TPRG1: variants seen among roughly 807,000 people sequenced by gnomAD.
TPRG1 encodes tumor protein p63-regulated gene 1 protein.
A neutral mutation model predicts 29.3 loss-of-function variants in TPRG1; 29 were observed. The ratio of observed to expected loss-of-function variants is 0.99; its 90% CI spans 0.74 to 1.35. The LOEUF (loss-of-function observed/expected upper bound fraction) is 1.35, where lower values mean the gene tolerates loss of function less well. TPRG1 is among the 40% of genes most tolerant of loss of function. TPRG1 has a pLI of 0.00. For missense variants in TPRG1, 327 were observed against 335.0 expected, an observed-to-expected ratio of 0.98 and a Z score of 0.19; for synonymous variants, 130 against 116.8, an observed-to-expected ratio of 1.11 and a Z score of -0.73.
At chr3:189,279,759 G>A (rs914301041) in intron 4 of TPRG1, among the ~76,000 whole-genome samples, 1 of 152,156 alleles carries the variant, frequency 6.6e-6, no homozygotes, top group African/African-American at 2.4e-5. Flanking sequence ...ATCAGGAAGA[G>A]GCAGAATACC....
At chr3:189,166,616 A>G (rs1443644633) in intron 5 of TPRG1, among the ~76,000 whole-genome samples, 1 of 152,202 alleles carries the variant, frequency 6.6e-6, no homozygotes, top group African/African-American at 2.4e-5. Flanking sequence ...TATCCCTGAT[A>G]CTTTCCTTGG....
intron 3 of TPRG1, among the ~76,000 whole-genome samples, chr3:189,022,698 C>T (rs1292608113): frequency 6.6e-6 from 1 of 152,248 alleles, no homozygotes; most frequent in African/African-American, 2.4e-5. Flanking sequence ...TATGCCCTGC[C>T]CCCAGAGGTG....
chr3:189,237,905 T>C (rs1194262171), intron 3 of TPRG1, among the ~76,000 whole-genome samples: 1 of 152,238 alleles, frequency 6.6e-6, no homozygotes, highest in Non-Finnish European at 1.5e-5. Context: ...CTCGAAGTGC[T>C]GTATCCTAAA....
chr3:189,306,319 T>C (rs1202871153), intron 4 of TPRG1, among the ~76,000 whole-genome samples: 1 of 152,206 alleles, frequency 6.6e-6, no homozygotes, highest in African/African-American at 2.4e-5. Flanking sequence ...TTAAGCTATC[T>C]GAATGGAAGT....
At chr3:189,287,267 T>C (rs1221088150) in intron 4 of TPRG1, among the ~76,000 whole-genome samples, 5 of 152,106 alleles carry the variant, frequency 3.3e-5, no homozygotes, top group Non-Finnish European at 7.4e-5. Context: ...ATTCTACTTG[T>C]CTCATTGTCC....
intron 4 of TPRG1, among the ~76,000 whole-genome samples, chr3:189,250,685 T>A (rs1449569278): frequency 6.9e-6 from 1 of 145,782 alleles, no homozygotes; most frequent in Non-Finnish European, 1.5e-5. Context: ...AATCAGCTGC[T>A]AAATAATGGC....
At chr3:189,189,405 C>T (rs1473967102) in intron 1 of TPRG1, among the ~76,000 whole-genome samples, 1 of 151,636 alleles carries the variant, frequency 6.6e-6, no homozygotes, top group East Asian at 1.9e-4. Flanking sequence ...TAATATTCTA[C>T]CTAAACTACA....
At chr3:189,303,714 C>A (rs1231562394) in intron 4 of TPRG1, among the ~76,000 whole-genome samples, 2 of 152,164 alleles carry the variant, frequency 1.3e-5, no homozygotes, top group Non-Finnish European at 2.9e-5. Flanking sequence ...CTGTAAGCAG[C>A]CATGTTTATT....
chr3:189,079,493 G>A (rs952422813), intron 4 of TPRG1, among the ~76,000 whole-genome samples: 1 of 152,084 alleles, frequency 6.6e-6, no homozygotes, highest in Non-Finnish European at 1.5e-5. Flanking sequence ...CACAATAAAT[G>A]CTGAATAAAT....
intron 5 of TPRG1, among the ~76,000 whole-genome samples, chr3:189,162,324 A>G (rs9827054): frequency 0.47 from 71,682 of 152,036 alleles, 17,695 homozygotes; most frequent in African/African-American, 0.61. Flanking sequence ...AAGCAGGGGG[A>G]TAGCAGCTTG....
intron 4 of TPRG1, among the ~76,000 whole-genome samples, chr3:189,078,258 C>T (rs2152165499): frequency 1.3e-5 from 2 of 151,824 alleles, no homozygotes; most frequent in South Asian, 4.2e-4. Flanking sequence ...CTGCCTCACC[C>T]TCCCGAGTAG....
chr3:189,167,457 T>C (rs1036451236), upstream of TPRG1, among the ~76,000 whole-genome samples: 3 of 152,232 alleles, frequency 2.0e-5, no homozygotes, highest in East Asian at 5.8e-4. Flanking sequence ...TTTTCCTGGT[T>C]CTTTCTTAGT....
In TPRG1 at chr3:189,121,421, C is replaced by T. The variant is rs372685131; in HGVS notation, c.-743-5636C>T. On this transcript the variant is annotated intron_variant, in intron 1 of 6. Transcript: ENST00000412373. ...AAAAATTTCTGACATATTCTGTACC[C>T]CTCCTTCTCTTTTTTATGTTGAATT... 3 of 152,252 alleles carry T rather than the reference C, an allele frequency of 2.0e-5. No homozygotes were observed. In the East Asian group the frequency reaches 5.8e-4, roughly 29 times the overall value. 9.4% of individuals were successfully genotyped at this position (152,252 alleles called of 1,614,324 possible).
chr3:189,038,006 TAAA>T (rs917789477), intron 4 of TPRG1, among the ~76,000 whole-genome samples: 1 of 151,088 alleles, frequency 6.6e-6, no homozygotes, highest in Non-Finnish European at 1.5e-5. Context: ...CCAAATTAAA[TAAA>T]AAATGTATAG....
At chr3:189,257,567 G>A (rs563432332) in intron 4 of TPRG1, among the ~76,000 whole-genome samples, 1 of 151,986 alleles carries the variant, frequency 6.6e-6, no homozygotes, top group African/African-American at 2.4e-5. Context: ...GCTAGGTTGG[G>A]GAAGTTCTTT....
intron 4 of TPRG1, among the ~76,000 whole-genome samples, chr3:189,073,932 T>C (rs1282569895): frequency 6.6e-6 from 1 of 152,194 alleles, no homozygotes; most frequent in African/African-American, 2.4e-5. Context: ...TTATTTCATG[T>C]ATTCTTACCC....
At chr3:189,173,921 C>A (rs189219214) in intron 1 of TPRG1, among the ~76,000 whole-genome samples, 18 of 152,244 alleles carry the variant, frequency 1.2e-4, no homozygotes, top group African/African-American at 4.3e-4. Flanking sequence ...GTCAGAGAAG[C>A]CTCTCTCTTT....
At chr3:189,155,413 T>C (rs562434781) in intron 5 of TPRG1, among the ~76,000 whole-genome samples, 51 of 152,270 alleles carry the variant, frequency 3.3e-4, no homozygotes, top group African/African-American at 1.2e-3. Flanking sequence ...CTAATTCCTA[T>C]AAGGCAGAGA....
At position 189,320,782 on chromosome 3, in the gene TPRG1, C is replaced by T. The variant is rs1724238076; in HGVS notation, c.790C>T (p.Leu264Phe). The T allele has an allele frequency of 2.5e-6, 4 of 1,607,884 alleles. No individual in the cohort carries two copies. The highest frequency in any genetic ancestry group is 3.4e-6 in the Non-Finnish European group (4 of 1,177,240). Residue 264 changes from leucine (L) to phenylalanine (F), a missense_variant, in exon 6 of 6, where the codon CTT becomes TTT. Physicochemically the swap from Leu to Phe is conservative, Grantham distance 22. Transcript: ENST00000345063. ...LMSFIGNRNK[L>F]GYSLARGSIG... Reference sequence around the variant, plus strand: ...GTCATTCATTGGAAACCGCAACAAACTTGGCTATTCCCTTGCCCGTGGGAG... The same window carrying T: ...GTCATTCATTGGAAACCGCAACAAATTTGGCTATTCCCTTGCCCGTGGGAG...
Sources: gnomAD v4.1 joint callset for allele counts (sites outside exome capture counted in the v4.1 genomes callset) on GRCh38, gnomAD v4.1.1 for gene constraint, MANE v1.5 for transcripts, NCBI Gene and HGNC (gene_info 2026-07-23, HGNC 2026-07-21) for gene names.